Variants in TMPRSS11F observed in about 807,000 individuals in gnomAD.
TMPRSS11F encodes transmembrane protease serine 11F.
TMPRSS11F carries 47 observed loss-of-function variants against 60.2 expected under a neutral mutation model. That is an observed-to-expected ratio of 0.78 (90% CI 0.62 to 1.00). TMPRSS11F has a LOEUF of 1.00. Among genes scored for constraint, TMPRSS11F ranks in the 50% least tolerant of loss-of-function variants. The probability of loss-of-function intolerance (pLI) is 0.00; values close to 1 mark genes in which losing one functional copy is unlikely to be tolerated. For synonymous variants in TMPRSS11F, 166 were observed against 167.3 expected (o/e 0.99, Z 0.06); for missense variants, 519 against 522.9 (o/e 0.99, Z 0.07).
chr4:68,074,983 T>C (rs1432135633), intron 3 of TMPRSS11F, among the ~76,000 whole-genome samples: 2 of 152,050 alleles, frequency 1.3e-5, no homozygotes, highest in Non-Finnish European at 2.9e-5. Context: ...AAATAAATAA[T>C]AAATAGATTA....
chr4:68,068,978 A>G (rs911060168), intron 6 of TMPRSS11F, among the ~76,000 whole-genome samples, 159 bp from the exon 7 acceptor site: 5 of 152,180 alleles, frequency 3.3e-5, no homozygotes, highest in African/African-American at 1.2e-4. Flanking sequence ...TGCTGATCCT[A>G]CTGAGGTTCA....
intron 1 of TMPRSS11F, among the ~76,000 whole-genome samples, chr4:68,121,125 A>T (rs1724618428): frequency 6.6e-6 from 1 of 152,218 alleles, no homozygotes. Context: ...GGCTGGATCC[A>T]TACTTCTTAG....
chr4:68,080,139 C>A (rs955064151), intron 3 of TMPRSS11F: 6 of 152,140 alleles, frequency 3.9e-5, no homozygotes, highest in Admixed American at 6.5e-5. Context: ...CCTGCTGACT[C>A]AAAAGGATTT....
intron 1 of TMPRSS11F, among the ~76,000 whole-genome samples, chr4:68,119,608 C>T (rs1724584590): frequency 6.6e-6 from 1 of 152,142 alleles, no homozygotes; most frequent in Admixed American, 6.5e-5. Context: ...AGAACAAAGC[C>T]TGATGACAGC....
intron 1 of TMPRSS11F, among the ~76,000 whole-genome samples, chr4:68,124,945 ATTTTTTTTTT>A (rs370189875): frequency 1.1e-5 from 1 of 94,100 alleles, no homozygotes; most frequent in Non-Finnish European, 2.0e-5. Context: ...CTAAACCAGC[ATTTTTTTTTT>A]TTTTTTTTTT....
chr4:68,064,724 T>G lies in TMPRSS11F; in HGVS notation c.976A>C (p.Ser326Arg), dbSNP rs1327862143. 2 of 1,614,142 alleles carry G rather than the reference T, an allele frequency of 1.2e-6. No individual in the cohort carries two copies. Among genetic ancestry groups the G allele is most frequent in the Non-Finnish European group, 1.7e-6 (2 of 1,180,028 alleles). ...GATCCAAATCCTGTGACGAACACAC[T>G]TGTTTTAGGTGGCAACTTTATAGAT... ...DSSIKLPPKT[S>R]VFVTGFGSIV... Residue 326 changes from serine to arginine, a missense_variant, in exon 8 of 10, where the codon AGT (serine) becomes CGT (arginine). Transcript: ENST00000356291.
chr4:68,072,614 C>G (rs1577916161), intron 4 of TMPRSS11F, 128 bp from the exon 5 acceptor site: 1 of 554,098 alleles, frequency 1.8e-6, no homozygotes, highest in East Asian at 3.5e-5. Context: ...TTTAAATTAT[C>G]TCTGGATACA....
chr4:68,056,452 A>G (rs192045273), intron 9 of TMPRSS11F, among the ~76,000 whole-genome samples: 1 of 151,604 alleles, frequency 6.6e-6, no homozygotes, highest in Non-Finnish European at 1.5e-5. Context: ...AGCAAAAAAA[A>G]AAAAACACTT....
intron 8 of TMPRSS11F, chr4:68,063,283 G>C (rs1723241800): frequency 1.8e-6 from 1 of 557,968 alleles, no homozygotes; most frequent in Admixed American, 1.9e-5. Context: ...AGCTCACCAT[G>C]GACCGCACCA....
chr4:68,074,058 A>T (rs1221907664), intron 3 of TMPRSS11F, 49 bp from the exon 4 acceptor site: 67 of 1,177,834 alleles, frequency 5.7e-5, no homozygotes, highest in Non-Finnish European at 7.6e-5. Flanking sequence ...AAAGTAAAAT[A>T]AAAAAATAAT....
At position 68,072,427 on chromosome 4, in the gene TMPRSS11F, T is replaced by C; in HGVS notation, c.410A>G (p.Asp137Gly). ...IVLIFRYPST[D>G]SAEQIKKKIE... ...TTTTTTCTTGATTTGTTCAGCACTATCAGTAGATGGGTATCGAAATATGAG... is the reference window on the plus strand; with the variant it reads ...TTTTTTCTTGATTTGTTCAGCACTACCAGTAGATGGGTATCGAAATATGAG... The change falls in exon 5 of 10, where the codon GAT (aspartate) becomes GGT (glycine). Residue 137 changes from aspartate to glycine, a missense_variant. Coordinates refer to ENST00000356291, the MANE Select transcript of TMPRSS11F (RefSeq NM_207407.2). 1.7e-5 allele frequency: 27 copies of C among 1,591,356 alleles called. No homozygotes were observed. The highest frequency in any genetic ancestry group is 2.3e-5 in the Non-Finnish European group (27 of 1,166,402).
intron 1 of TMPRSS11F, among the ~76,000 whole-genome samples, chr4:68,124,945 ATTT>A (rs370189875): frequency 2.1e-5 from 2 of 94,098 alleles, no homozygotes; most frequent in African/African-American, 7.7e-5. Flanking sequence ...CTAAACCAGC[ATTT>A]TTTTTTTTTT....
chr4:68,086,867 A>T (rs770751238), intron 3 of TMPRSS11F, among the ~76,000 whole-genome samples: 54 of 152,122 alleles, frequency 3.5e-4, no homozygotes, highest in Non-Finnish European at 6.8e-4. Flanking sequence ...TTCTGAAACT[A>T]AATCAGTAAC....
At chr4:68,115,545 A>G (rs550542768) in intron 1 of TMPRSS11F, among the ~76,000 whole-genome samples, 1 of 152,264 alleles carries the variant, frequency 6.6e-6, no homozygotes, top group East Asian at 1.9e-4. Flanking sequence ...AGCCACTGCA[A>G]TAAAGCAAGA....
intron 1 of TMPRSS11F, among the ~76,000 whole-genome samples, chr4:68,102,294 T>A (rs1475170009): frequency 6.6e-6 from 1 of 152,176 alleles, no homozygotes; most frequent in Non-Finnish European, 1.5e-5. Context: ...AGTGCAGATA[T>A]CTTTACCAGA....
At position 68,087,963 on chromosome 4, in the gene TMPRSS11F, T is replaced by C. The variant is rs556671921; in HGVS notation, c.282+2560A>G. ...CAGTTCCCACCTATGAGTGAGAATATGTGGTGTTTGGTTTTTTGTTCTTGC... is the reference window on the plus strand; with the variant it reads ...CAGTTCCCACCTATGAGTGAGAATACGTGGTGTTTGGTTTTTTGTTCTTGC... On this transcript the variant is annotated intron_variant, in intron 3 of 9. Coordinates refer to ENST00000356291, the MANE Select transcript of TMPRSS11F (RefSeq NM_207407.2). Among the ~76,000 whole-genome samples the C allele has an allele frequency of 1.7e-3, 250 of 148,578 alleles. 1 individual carries two copies. Among genetic ancestry groups the C allele is most frequent in the African/African-American group, 6.0e-3 (242 of 40,306 alleles).
chr4:68,116,781 A>T (rs1164426306), intron 1 of TMPRSS11F, among the ~76,000 whole-genome samples: 1 of 152,224 alleles, frequency 6.6e-6, no homozygotes, highest in African/African-American at 2.4e-5. Flanking sequence ...AGGGAAACTA[A>T]ACATCCACAT....
intron 8 of TMPRSS11F, among the ~76,000 whole-genome samples, 163 bp from the exon 9 acceptor site, chr4:68,059,631 T>C (rs143023669): frequency 6.6e-6 from 1 of 152,362 alleles, no homozygotes; most frequent in East Asian, 1.9e-4. Flanking sequence ...CAAGGAATCA[T>C]AAACATACAT....
chr4:68,072,513 T>A, intron 4 of TMPRSS11F, 27 bp from the exon 5 acceptor site: 1 of 1,444,310 alleles, frequency 6.9e-7, no homozygotes, highest in Non-Finnish European at 9.2e-7. Flanking sequence ...CAGATAAAAA[T>A]GGCATTTATC....
Sources: gnomAD v4.1 joint callset for allele counts (sites outside exome capture counted in the v4.1 genomes callset) on GRCh38, gnomAD v4.1.1 for gene constraint, MANE v1.5 for transcripts, NCBI Gene and HGNC (gene_info 2026-07-23, HGNC 2026-07-21) for gene names.